The following SUMF1 variants were observed in gnomAD, a reference collection of about 807,000 sequenced individuals.
The protein encoded by SUMF1 is formylglycine-generating enzyme.
Under a neutral mutation model 47.6 loss-of-function variants are expected in SUMF1, and 48 were observed. The observed-to-expected ratio is 1.01, with a 90% confidence interval of 0.80 to 1.28. SUMF1 has a LOEUF of 1.28. SUMF1 is among the 50% of genes most tolerant of loss of function. The pLI is 0.00. For missense variants in SUMF1, 571 were observed against 485.4 expected, an observed-to-expected ratio of 1.18 and a Z score of -1.66; for synonymous variants, 230 against 192.1, an observed-to-expected ratio of 1.20 and a Z score of -1.63.
At chr3:4,280,519 C>T (rs990997715) in intron 8 of SUMF1, among the ~76,000 whole-genome samples, 1 of 151,760 alleles carries the variant, frequency 6.6e-6, no homozygotes, top group African/African-American at 2.4e-5. Flanking sequence ...GAGGCAGGAA[C>T]CCCTTATGTG....
chr3:4,261,904 A>G (rs1335851471), intron 8 of SUMF1, among the ~76,000 whole-genome samples: 2 of 152,170 alleles, frequency 1.3e-5, no homozygotes, highest in East Asian at 3.9e-4. Flanking sequence ...CAAGCAACCT[A>G]CAAGTTATCC....
intron 9 of SUMF1, among the ~76,000 whole-genome samples, chr3:4,064,091 G>C (rs1289711861): frequency 6.6e-6 from 1 of 152,080 alleles, no homozygotes; most frequent in Non-Finnish European, 1.5e-5. Context: ...AATAGGAGCT[G>C]GGTAAAATAA....
rs144150937 is a variant in SUMF1, at chr3:4,103,010, C to T, written c.1015-34265G>A. 3.2e-3 allele frequency among the ~76,000 whole-genome samples: 486 copies of T among 151,638 alleles called. 5 individuals carry two copies. The highest frequency in any genetic ancestry group is 7.2e-3 in the Admixed American group (110 of 15,240). On this transcript the variant is annotated intron_variant and NMD_transcript_variant, in intron 8 of 12. Transcript: ENST00000448413. ...CAATCTCAGCTCACTGCAACCTCCA[C>T]CTCCCAGGTTCAAATGATTCTCCTG...
Position 4,319,896 on chromosome 3 carries a change from A to T in SUMF1, c.1014+56434T>A, listed in dbSNP as rs1053681385. Among the ~76,000 whole-genome samples, 10 of 152,220 alleles carry T rather than the reference A, an allele frequency of 6.6e-5. No homozygotes were observed. In the Middle Eastern group the frequency reaches 9.5e-3, roughly 145 times the overall value. ...TGCATACTGTTAAGTGAGAGAAGTC[A>T]TTCTGAACAGGCTGCATACTATATG... On this transcript the variant is annotated intron_variant and NMD_transcript_variant, in intron 8 of 12. Transcript: ENST00000448413.
chr3:4,454,501 G>C (rs1231910250), intron 1 of SUMF1, among the ~76,000 whole-genome samples: 1 of 152,226 alleles, frequency 6.6e-6, no homozygotes, highest in Non-Finnish European at 1.5e-5. Context: ...AAATAGTTCA[G>C]CTGCTTTGGA....
intron 8 of SUMF1, among the ~76,000 whole-genome samples, chr3:4,105,530 G>A (rs942957816): frequency 6.6e-6 from 1 of 152,038 alleles, no homozygotes; most frequent in Non-Finnish European, 1.5e-5. Context: ...CTGAAAAGAG[G>A]TAAGAAAAGC....
intron 3 of SUMF1, among the ~76,000 whole-genome samples, chr3:4,446,895 A>T (rs991025726): frequency 6.6e-6 from 1 of 152,238 alleles, no homozygotes; most frequent in African/African-American, 2.4e-5. Flanking sequence ...GTCTTAAAAG[A>T]CACAAATTTC....
At chr3:4,357,967 T>C (rs1425162566), downstream of SUMF1, among the ~76,000 whole-genome samples, 4 of 152,036 alleles carry the variant, frequency 2.6e-5, no homozygotes, top group Non-Finnish European at 1.5e-5. Context: ...TCAAGGGTCA[T>C]ATCGACAATT....
intron 8 of SUMF1, chr3:4,313,868 A>C: frequency 6.5e-7 from 1 of 1,540,282 alleles, no homozygotes; most frequent in Non-Finnish European, 8.7e-7. Context: ...GGAATGTGGC[A>C]GAGACTGCAA....
intron 8 of SUMF1, among the ~76,000 whole-genome samples, chr3:4,093,842 C>T (rs1260818733): frequency 1.3e-5 from 2 of 152,092 alleles, no homozygotes; most frequent in Non-Finnish European, 2.9e-5. Context: ...TAAATGCCAA[C>T]TCAAGGAGTT....
chr3:4,219,332 T>C (rs1696011591), intron 8 of SUMF1, among the ~76,000 whole-genome samples: 1 of 152,124 alleles, frequency 6.6e-6, no homozygotes. Flanking sequence ...ATTTTACAGA[T>C]GAGGAAAGCT....
At chr3:4,416,254 A>T (rs187001640) in intron 6 of SUMF1, among the ~76,000 whole-genome samples, 7 of 152,324 alleles carry the variant, frequency 4.6e-5, no homozygotes, top group Non-Finnish European at 1.0e-4. Context: ...TATCTTTCAA[A>T]AATCATCAAA....
chr3:4,046,059 GA>G (rs1419346105), intron 9 of SUMF1, among the ~76,000 whole-genome samples: 4 of 150,086 alleles, frequency 2.7e-5, no homozygotes, highest in African/African-American at 9.8e-5. Flanking sequence ...TCTTAAAAAA[GA>G]AAAAAAAAGA....
rs3046240 is a variant in SUMF1 at position 4,211,103 on chromosome 3, C to CATATATATAT, written c.1015-142368_1015-142359dup. Among the ~76,000 whole-genome samples, 359 of 91,368 alleles carry CATATATATAT rather than the reference C, an allele frequency of 3.9e-3. 7 individuals are homozygous for CATATATATAT. Among genetic ancestry groups the CATATATATAT allele is most frequent in the Middle Eastern group, 0.012 (2 of 164 alleles). 59.9% of individuals were successfully genotyped at this position (91,368 alleles called of 152,430 possible). ...GAGTTAATACTCCTTAATAAACTCCCATATATATATATATATATACACACA... is the reference window on the plus strand; with the variant it reads ...GAGTTAATACTCCTTAATAAACTCCCATATATATATATATATATATATATATATACACACA... On this transcript the variant is annotated intron_variant and NMD_transcript_variant, in intron 8 of 12. Transcript: ENST00000448413.
chr3:4,449,940 T>C (rs1437925116), intron 2 of SUMF1, among the ~76,000 whole-genome samples: 3 of 152,230 alleles, frequency 2.0e-5, no homozygotes, highest in Non-Finnish European at 4.4e-5. Flanking sequence ...TTGGTAACCA[T>C]GACTCTCCTC....
chr3:4,350,391 G>T lies in SUMF1; in HGVS notation c.1014+25939C>A, dbSNP rs13433715. On this transcript the variant is annotated intron_variant and NMD_transcript_variant, in intron 8 of 12. Transcript: ENST00000448413. ...TGTATAATTGTGTGTGTATAATTGTGTGTATATATATTCAATATATATCCA... is the reference window on the plus strand; with the variant it reads ...TGTATAATTGTGTGTGTATAATTGTTTGTATATATATTCAATATATATCCA... Among the ~76,000 whole-genome samples the T allele has an allele frequency of 3.1e-3, 431 of 139,462 alleles. 2 individuals are homozygous for T. The highest frequency in any genetic ancestry group is 0.01 in the African/African-American group (395 of 38,980). The allele number at this position is 139,462 out of a possible 152,430, so 91.5% of individuals were successfully genotyped here.
intron 8 of SUMF1, among the ~76,000 whole-genome samples, chr3:4,261,681 G>T (rs1394954194): frequency 6.6e-6 from 1 of 152,160 alleles, no homozygotes; most frequent in African/African-American, 2.4e-5. Flanking sequence ...CCAGAGTCAG[G>T]AGCGTGAAGG....
At chr3:4,416,610 G>A (rs986302245) in intron 6 of SUMF1, among the ~76,000 whole-genome samples, 7 of 152,264 alleles carry the variant, frequency 4.6e-5, no homozygotes, top group African/African-American at 1.4e-4. Context: ...CTTTCCAGCT[G>A]TGTAACCTTG....
intron 8 of SUMF1, among the ~76,000 whole-genome samples, chr3:4,220,144 C>T (rs1260057403): frequency 6.6e-6 from 1 of 152,130 alleles, no homozygotes; most frequent in Non-Finnish European, 1.5e-5. Context: ...TTTCACTTCA[C>T]CCAGGCTCCA....
Sources: gnomAD v4.1 joint callset for allele counts (sites outside exome capture counted in the v4.1 genomes callset) on GRCh38, gnomAD v4.1.1 for gene constraint, MANE v1.5 for transcripts, NCBI Gene and HGNC (gene_info 2026-07-23, HGNC 2026-07-21) for gene names.